PRRC2C: variants seen among roughly 807,000 people sequenced by gnomAD.
PRRC2C encodes the protein proline rich coiled-coil 2C, also known as protein PRRC2C.
A neutral mutation model predicts 317.2 loss-of-function variants in PRRC2C; 72 were observed. That is an observed-to-expected ratio of 0.23 (90% CI 0.19 to 0.28). The LOEUF is 0.28. Ranked by LOEUF, PRRC2C falls within the 10% of genes least tolerant of loss-of-function variation. The probability of loss-of-function intolerance (pLI) is 1.00; values close to 1 mark genes in which losing one functional copy is unlikely to be tolerated. For missense variants in PRRC2C, 3,074 were observed against 3,459.7 expected (o/e 0.89, Z 2.80); for synonymous variants, 1,296 against 1,205.9 (o/e 1.07, Z -1.55).
chr1:171,557,947 A>C lies in PRRC2C; in HGVS notation c.5835A>C (p.Pro1945=), dbSNP rs1681772640. The part of the protein sequence containing the change: ...QAQTHKPVQN[P]LQTTSQSSKQ... ...AGACCCACAAACCAGTCCAGAATCC[A>C]CTACAGACTACATCTCAGTCTTCAA... Residue 1945 remains proline (P), a synonymous_variant, in exon 19 of 35, where the codon CCA becomes CCC. Transcript: ENST00000647382. The C allele has an allele frequency of 6.3e-7, 1 of 1,599,664 alleles. No individual in the cohort carries two copies. Among genetic ancestry groups the C allele is most frequent in the Non-Finnish European group, 8.5e-7 (1 of 1,175,136 alleles).
intron 24 of PRRC2C, among the ~76,000 whole-genome samples, chr1:171,574,275 A>T (rs1685317834): frequency 2.0e-5 from 3 of 152,184 alleles, no homozygotes; most frequent in African/African-American, 7.2e-5. Flanking sequence ...TTTACTTTTT[A>T]AAATGTAGCT....
At chr1:171,512,224 AT>A (rs1214882688) in intron 2 of PRRC2C, 24 bp downstream of exon 2, 10 of 1,440,234 alleles carry the variant, frequency 6.9e-6, no homozygotes, top group Non-Finnish European at 9.6e-6. Context: ...AGTGACACTT[AT>A]GTTTTTCATG....
intron 28 of PRRC2C, among the ~76,000 whole-genome samples, chr1:171,582,689 A>G (rs1648915395): frequency 6.6e-6 from 1 of 152,196 alleles, no homozygotes; most frequent in Non-Finnish European, 1.5e-5. Flanking sequence ...TACAATAAAA[A>G]TATAGCATAC....
At chr1:171,551,007 G>T (rs999299905) in intron 18 of PRRC2C, among the ~76,000 whole-genome samples, 3 of 152,100 alleles carry the variant, frequency 2.0e-5, no homozygotes, top group African/African-American at 7.2e-5. Context: ...TGGGGCAAAT[G>T]GTATGTCTAG....
At chr1:171,533,074 T>A in intron 12 of PRRC2C, 113 bp downstream of exon 12, 1 of 1,090,066 alleles carries the variant, frequency 9.2e-7, no homozygotes, top group Non-Finnish European at 1.2e-6. Context: ...AGTGATTGTT[T>A]TATGATAGCA....
rs1681670549 is a variant in PRRC2C at position 171,557,475 on chromosome 1, C to T, written c.5363C>T (p.Pro1788Leu). 6.4e-7 allele frequency: 1 copy of T among 1,551,342 alleles called. No individual in the cohort carries two copies. Among genetic ancestry groups the T allele is most frequent in the Non-Finnish European group, 8.7e-7 (1 of 1,146,852 alleles). Residue 1788 changes from proline (P) to leucine (L), a missense_variant, in exon 19 of 35, where the codon CCA (proline) becomes CTA (leucine). Physicochemically the swap from Pro to Leu is moderately conservative, Grantham distance 98. Coordinates refer to ENST00000647382, the MANE Select transcript of PRRC2C (RefSeq NM_001387844.1). ...PVPASTSAPV[P>L]ASTLAPVLAS... The stretch of plus-strand genomic sequence containing the variant: ...CCAGCCTCAACCTCAGCTCCGGTTC[C>T]AGCCTCAACTTTAGCTCCAGTTCTG...
At chr1:171,566,991 T>A in intron 22 of PRRC2C, 148 bp downstream of exon 22, 1 of 959,560 alleles carries the variant, frequency 1.0e-6, no homozygotes, top group Non-Finnish European at 1.5e-6. Context: ...GTTTCATGAT[T>A]TGCATATGTA....
intron 1 of PRRC2C, among the ~76,000 whole-genome samples, chr1:171,494,399 C>T (rs1226572104): frequency 2.0e-5 from 3 of 152,100 alleles, no homozygotes; most frequent in Admixed American, 6.6e-5. Flanking sequence ...TGCCGAACTG[C>T]TATTTGTAGT....
intron 18 of PRRC2C, among the ~76,000 whole-genome samples, chr1:171,551,727 TC>T (rs572558594): frequency 5.4e-4 from 82 of 152,278 alleles, no homozygotes; most frequent in African/African-American, 1.9e-3. Context: ...GAATCCTTTC[TC>T]CATTTCTTGT....
At chr1:171,571,464 G>A in intron 24 of PRRC2C, 43 bp downstream of exon 24, 1 of 1,377,322 alleles carries the variant, frequency 7.3e-7, no homozygotes, top group Non-Finnish European at 1.0e-6. Context: ...ATTGTTGCAT[G>A]CAAGGGGACA....
Position 171,587,713 on chromosome 1 carries a change from C to A in PRRC2C, c.8034C>A (p.Ile2678=). The change falls in exon 32 of 35, where the codon ATC becomes ATA. Residue 2678 remains isoleucine, a synonymous_variant. Coordinates refer to ENST00000647382, the MANE Select transcript of PRRC2C (RefSeq NM_001387844.1). The part of the protein sequence containing the change: ...GIDIKPGTPP[I]AGRSTTPTSS... ...ATATAAAACCAGGCACACCTCCAAT[C>A]GCTGGTAGAAGCACCACACCAACAT... The A allele has an allele frequency of 6.2e-7, 1 of 1,613,392 alleles. No homozygotes were observed. The highest frequency in any genetic ancestry group is 8.5e-7 in the Non-Finnish European group (1 of 1,179,448).
At chr1:171,569,503 C>T (rs1309151747) in intron 23 of PRRC2C, among the ~76,000 whole-genome samples, 4 of 146,052 alleles carry the variant, frequency 2.7e-5, no homozygotes, top group African/African-American at 1.0e-4. Flanking sequence ...GTTGAGAGCT[C>T]TCTAGGAGCT....
At chr1:171,574,373 A>G (rs1685334602) in intron 24 of PRRC2C, among the ~76,000 whole-genome samples, 1 of 152,208 alleles carries the variant, frequency 6.6e-6, no homozygotes, top group South Asian at 2.1e-4. Context: ...AGATTGAAAT[A>G]AGGCCATTTT....
chr1:171,494,484 T>A (rs755513814), intron 1 of PRRC2C, among the ~76,000 whole-genome samples: 17 of 152,168 alleles, frequency 1.1e-4, no homozygotes, highest in Non-Finnish European at 2.5e-4. Flanking sequence ...ATATTTGACC[T>A]TAGAATTACT....
At chr1:171,523,678 AG>A (rs1449485448) in intron 9 of PRRC2C, among the ~76,000 whole-genome samples, 156 bp downstream of exon 9, 2 of 152,230 alleles carry the variant, frequency 1.3e-5, no homozygotes, top group African/African-American at 4.8e-5. Flanking sequence ...TTAATGAGCT[AG>A]ATTAATACAG....
At chr1:171,519,883 A>G (rs1328747244) in intron 6 of PRRC2C, among the ~76,000 whole-genome samples, 1 of 152,126 alleles carries the variant, frequency 6.6e-6, no homozygotes, top group Non-Finnish European at 1.5e-5. Context: ...TCTTCTCTGT[A>G]TTGTTCCAAT....
chr1:171,512,321 G>A (rs1171343005), intron 2 of PRRC2C, 121 bp downstream of exon 2: 2 of 718,812 alleles, frequency 2.8e-6, no homozygotes, highest in Admixed American at 2.1e-5. Context: ...TTACATTTGC[G>A]TTTTTATGCA....
chr1:171,495,920 G>C (rs1668001498), intron 1 of PRRC2C, among the ~76,000 whole-genome samples: 1 of 152,170 alleles, frequency 6.6e-6, no homozygotes, highest in Non-Finnish European at 1.5e-5. Flanking sequence ...TGCCAGCATA[G>C]TAGTTCTGGT....
intron 18 of PRRC2C, 132 bp downstream of exon 18, chr1:171,550,372 C>A: frequency 1.4e-6 from 1 of 734,590 alleles, no homozygotes. Context: ...CATCATCTTC[C>A]CAACTTTTAA....
Sources: gnomAD v4.1 joint callset for allele counts (sites outside exome capture counted in the v4.1 genomes callset) on GRCh38, gnomAD v4.1.1 for gene constraint, MANE v1.5 for transcripts, NCBI Gene and HGNC (gene_info 2026-07-23, HGNC 2026-07-21) for gene names.